The following CUL3 variants were observed in gnomAD, a reference collection of about 807,000 sequenced individuals.
The protein encoded by CUL3 is cullin 3, also known as cullin-3.
A neutral mutation model predicts 89.1 loss-of-function variants in CUL3; 19 were observed. That is an observed-to-expected ratio of 0.21 (90% CI 0.15 to 0.31). CUL3 has a LOEUF of 0.31. CUL3 is among the 10% of genes least tolerant of loss of function. CUL3 has a pLI of 1.00. For missense variants in CUL3, 469 were observed against 942.3 expected (o/e 0.50, Z 6.58); for synonymous variants, 351 against 308.4 (o/e 1.14, Z -1.45).
chr2:224,502,275 A>G (rs891056517), intron 10 of CUL3, among the ~76,000 whole-genome samples: 1 of 152,194 alleles, frequency 6.6e-6, no homozygotes, highest in African/African-American at 2.4e-5. Flanking sequence ...AGAGTGGTAC[A>G]CGGTGATTTT....
At chr2:224,515,752 G>A (rs1195385015) in intron 3 of CUL3, among the ~76,000 whole-genome samples, 1 of 151,476 alleles carries the variant, frequency 6.6e-6, no homozygotes, top group Non-Finnish European at 1.5e-5. Context: ...CTGGAGTACA[G>A]TGGTGCCATC....
At position 224,553,376 on chromosome 2, in the gene CUL3, A is replaced by C. The variant is rs144237530; in HGVS notation, c.264+4283T>G. Among the ~76,000 whole-genome samples the C allele has an allele frequency of 3.8e-4, 58 of 152,314 alleles. No homozygotes were observed. The East Asian group carries it at 8.1e-3, about 21-fold the overall frequency. ...GAAAGAAAAGAATAAATAAAAGAAC[A>C]TTTTCAGATGCCGGCAATGATCATT... On this transcript the variant is annotated intron_variant, in intron 2 of 15. Coordinates refer to ENST00000264414, the MANE Select transcript of CUL3 (RefSeq NM_003590.5).
chr2:224,538,527 A>G (rs1693975790), intron 2 of CUL3, among the ~76,000 whole-genome samples: 2 of 152,166 alleles, frequency 1.3e-5, no homozygotes, highest in Non-Finnish European at 2.9e-5. Flanking sequence ...TAACACAATC[A>G]CCTACTTTCT....
intron 13 of CUL3, among the ~76,000 whole-genome samples, chr2:224,483,375 G>C (rs1435840507): frequency 6.6e-6 from 1 of 152,144 alleles, no homozygotes; most frequent in South Asian, 2.1e-4. Flanking sequence ...ATTCTTAGCT[G>C]CCTAAGAACA....
chr2:224,513,744 T>C, intron 4 of CUL3, 106 bp from the exon 5 acceptor site: 1 of 753,154 alleles, frequency 1.3e-6, no homozygotes, highest in Non-Finnish European at 2.1e-6. Context: ...ATTTAACTCT[T>C]ACTGAAGTGA....
At chr2:224,547,618 G>A (rs1407224103) in intron 2 of CUL3, among the ~76,000 whole-genome samples, 1 of 152,034 alleles carries the variant, frequency 6.6e-6, no homozygotes, top group African/African-American at 2.4e-5. Flanking sequence ...TGAAACATAG[G>A]AGAAACTCAA....
intron 3 of CUL3, among the ~76,000 whole-genome samples, chr2:224,516,867 C>CA (rs988191911): frequency 2.0e-5 from 3 of 151,154 alleles, no homozygotes; most frequent in African/African-American, 7.3e-5. Flanking sequence ...GGATGGTCTC[C>CA]ATCTCCTAAC....
At chr2:224,581,965 A>G (rs772648838) in intron 1 of CUL3, among the ~76,000 whole-genome samples, 11 of 151,544 alleles carry the variant, frequency 7.3e-5, no homozygotes, top group Non-Finnish European at 1.0e-4. Flanking sequence ...GTATAACCAT[A>G]AACAATTTTT....
rs200221230 is a variant in CUL3 at position 224,542,943 on chromosome 2, A to G, written c.265-7302T>C. ...GACAAGGAAGCAATACTGGGCCAGC[A>G]GCTCTTGGGCTAGCTGGAGAGCTGA... On this transcript the variant is annotated intron_variant, in intron 2 of 15. Coordinates refer to ENST00000264414, the MANE Select transcript of CUL3 (RefSeq NM_003590.5). 3.9e-5 allele frequency among the ~76,000 whole-genome samples: 6 copies of G among 152,204 alleles called. 1 individual carries two copies. The East Asian group carries it at 9.6e-4, about 24-fold the overall frequency.
At chr2:224,524,835 A>G (rs1481219201) in intron 3 of CUL3, among the ~76,000 whole-genome samples, 1 of 152,208 alleles carries the variant, frequency 6.6e-6, no homozygotes, top group Admixed American at 6.5e-5. Context: ...TAAAAACCAA[A>G]GGGGAAAAAC....
intron 3 of CUL3, among the ~76,000 whole-genome samples, chr2:224,523,271 T>A (rs957675552): frequency 2.6e-5 from 4 of 152,106 alleles, no homozygotes; most frequent in African/African-American, 7.2e-5. Context: ...AAAATGTTAT[T>A]CCACCTTTAG....
intron 6 of CUL3, among the ~76,000 whole-genome samples, chr2:224,508,278 G>A (rs906399156): frequency 2.0e-5 from 3 of 152,058 alleles, no homozygotes; most frequent in African/African-American, 7.2e-5. Context: ...GTGACTTTCA[G>A]CAGCAAATTT....
rs780939686 is a variant in CUL3 at position 224,530,935 on chromosome 2, C to A, written c.378+4593G>T. 1.3e-3 allele frequency among the ~76,000 whole-genome samples: 192 copies of A among 152,008 alleles called. 1 individual carries two copies. The highest frequency in any genetic ancestry group is 3.8e-3 in the Admixed American group (58 of 15,260). ...AAACAAAACCAAACAAACAAAAAAA[C>A]CCCATAAAAATGTACTTTTAAGTAG... On this transcript the variant is annotated intron_variant, in intron 3 of 15. Coordinates refer to ENST00000264414, the MANE Select transcript of CUL3 (RefSeq NM_003590.5).
chr2:224,577,631 C>T (rs1330690532), intron 1 of CUL3, among the ~76,000 whole-genome samples: 2 of 151,346 alleles, frequency 1.3e-5, no homozygotes, highest in Non-Finnish European at 2.9e-5. Flanking sequence ...AGCCCACACT[C>T]TTAACTACTA....
intron 2 of CUL3, among the ~76,000 whole-genome samples, chr2:224,553,291 G>C (rs774095433): frequency 6.6e-6 from 1 of 152,194 alleles, no homozygotes; most frequent in African/African-American, 2.4e-5. Context: ...AATAATCAAT[G>C]AACAGACATG....
At position 224,557,851 on chromosome 2, in the gene CUL3, G is replaced by A. The variant is rs2106305220; in HGVS notation, c.72C>T (p.Thr24=). 1 of 974,304 alleles carries A rather than the reference G, an allele frequency of 1.0e-6. No individual in the cohort carries two copies. The allele number at this position is 974,304 out of a possible 1,614,324, so 60.4% of individuals were successfully genotyped here. Residue 24 remains threonine (T), a synonymous_variant, in exon 2 of 16, where the codon ACC becomes ACT. Transcript: ENST00000264414. The part of the protein sequence containing the change: ...TKMRIRAFPM[T]MDEKYVNSIW... ...TGCTGTTTACATATTTTTCATCCATGGTCATCTGTAATATCCAAGAGAGAG... is the reference window on the plus strand; with the variant it reads ...TGCTGTTTACATATTTTTCATCCATAGTCATCTGTAATATCCAAGAGAGAG...
intron 1 of CUL3, among the ~76,000 whole-genome samples, chr2:224,559,940 G>A (rs971338049): frequency 6.6e-6 from 1 of 151,982 alleles, no homozygotes; most frequent in Non-Finnish European, 1.5e-5. Context: ...AAATTAGTCG[G>A]GCATGGTGGC....
intron 1 of CUL3, among the ~76,000 whole-genome samples, chr2:224,567,015 C>G (rs1156421971): frequency 2.0e-5 from 3 of 152,102 alleles, no homozygotes; most frequent in African/African-American, 7.2e-5. Flanking sequence ...TTTCTTGTAA[C>G]GTCATGACTT....
At chr2:224,503,206 G>C (rs931235202) in intron 9 of CUL3, 134 bp from the exon 10 acceptor site, 4 of 666,852 alleles carry the variant, frequency 6.0e-6, no homozygotes, top group Non-Finnish European at 7.9e-6. Context: ...CAGTTGCTCT[G>C]TGCCTGTGGT....
Sources: gnomAD v4.1 joint callset for allele counts (sites outside exome capture counted in the v4.1 genomes callset) on GRCh38, gnomAD v4.1.1 for gene constraint, MANE v1.5 for transcripts, NCBI Gene and HGNC (gene_info 2026-07-23, HGNC 2026-07-21) for gene names.